Variants in CUX1 observed in about 807,000 individuals in gnomAD.
The protein encoded by CUX1 is cut like homeobox 1.
In CUX1, 31 loss-of-function variants were observed where a neutral mutation model predicts 158.8. That is an observed-to-expected ratio of 0.20 (90% confidence interval 0.15 to 0.26). The LOEUF (loss-of-function observed/expected upper bound fraction) is 0.26, where lower values mean the gene tolerates loss of function less well. Ranked by LOEUF, CUX1 falls within the 10% of genes least tolerant of loss-of-function variation. The pLI is 1.00. For synonymous variants in CUX1, 879 were observed against 862.1 expected (o/e 1.02, Z -0.34); for missense variants, 1,589 against 2,014.6 (o/e 0.79, Z 4.04).
intron 3 of CUX1, among the ~76,000 whole-genome samples, chr7:102,035,529 G>A (rs1012792226): frequency 6.6e-6 from 1 of 151,214 alleles, no homozygotes; most frequent in African/African-American, 2.4e-5. Flanking sequence ...TTTCAAGTGA[G>A]CCTCAATTAT....
chr7:102,013,151 A>C (rs1252801095), intron 2 of CUX1, among the ~76,000 whole-genome samples: 1 of 151,066 alleles, frequency 6.6e-6, no homozygotes, highest in Non-Finnish European at 1.5e-5. Context: ...GCACCATCCC[A>C]GGGTTATGAA....
chr7:101,937,958 T>C (rs916045420), intron 2 of CUX1, among the ~76,000 whole-genome samples: 4 of 152,200 alleles, frequency 2.6e-5, no homozygotes, highest in Non-Finnish European at 5.9e-5. Context: ...ACTCATCTGT[T>C]CTACCCACAC....
At chr7:101,997,853 A>G (rs1816160435) in intron 2 of CUX1, among the ~76,000 whole-genome samples, 1 of 151,878 alleles carries the variant, frequency 6.6e-6, no homozygotes, top group African/African-American at 2.4e-5. Flanking sequence ...GAGAGCTTTC[A>G]CTGTTGGATA....
intron 4 of CUX1, among the ~76,000 whole-genome samples, chr7:102,093,844 G>A (rs992106091): frequency 6.6e-6 from 1 of 152,130 alleles, no homozygotes; most frequent in Non-Finnish European, 1.5e-5. Flanking sequence ...GTGTTGAATC[G>A]GAGGAGGAGG....
At chr7:102,162,889 C>CT (rs1378596312) in intron 9 of CUX1, among the ~76,000 whole-genome samples, 1 of 152,116 alleles carries the variant, frequency 6.6e-6, no homozygotes, top group Non-Finnish European at 1.5e-5. Flanking sequence ...AGAGAGTGAG[C>CT]TCCCTGTCAC....
Position 102,050,684 on chromosome 7 carries a change from TTTATTA to T in CUX1, c.190-19631_190-19626del, listed in dbSNP as rs149429897. ...TCAGTATTAGACCCTGTGAATTCTT[TTTATTA>T]TTATTATTATTATTATTATTATTTA... On this transcript the variant is annotated intron_variant, in intron 3 of 23. Transcript: ENST00000292535. Among the ~76,000 whole-genome samples, 19 of 147,552 alleles carry T rather than the reference TTTATTA, an allele frequency of 1.3e-4. No individual in the cohort carries two copies. The East Asian group carries it at 1.6e-3, about 12-fold the overall frequency.
chr7:102,178,702 G>A (rs113538644), intron 11 of CUX1, 45 bp downstream of exon 11: 247 of 1,556,428 alleles, frequency 1.6e-4, no homozygotes, highest in Non-Finnish European at 2.0e-4. Context: ...GAGGCAGGGC[G>A]GATGGCTGGA....
intron 6 of CUX1, among the ~76,000 whole-genome samples, chr7:102,106,933 C>G (rs1435362553): frequency 6.6e-6 from 1 of 152,144 alleles, no homozygotes; most frequent in Non-Finnish European, 1.5e-5. Context: ...TGACTTCATT[C>G]AAAAAGAAAA....
At chr7:101,984,848 C>T (rs1162681174) in intron 2 of CUX1, among the ~76,000 whole-genome samples, 5 of 152,116 alleles carry the variant, frequency 3.3e-5, no homozygotes, top group Admixed American at 2.6e-4. Flanking sequence ...GTATTAAGAT[C>T]GCATTAATCT....
Position 101,899,300 on chromosome 7 carries a change from G to A in CUX1, c.31-16815G>A, listed in dbSNP as rs1273657786. 2.6e-5 allele frequency among the ~76,000 whole-genome samples: 4 copies of A among 152,322 alleles called. No individual in the cohort carries two copies. The East Asian group carries it at 7.7e-4, about 29-fold the overall frequency. ...GCAGTGGCTCACGCCTGTAATCCCA[G>A]CACTTTGGGAGGCCAAAGCAGGTGG... On this transcript the variant is annotated intron_variant, in intron 1 of 23. Coordinates refer to ENST00000292535, the MANE Select transcript of CUX1 (RefSeq NM_181552.4).
chr7:102,280,388 A>G (rs988211461), intron 19 of CUX1, among the ~76,000 whole-genome samples: 1 of 152,126 alleles, frequency 6.6e-6, no homozygotes, highest in Admixed American at 6.5e-5. Context: ...GCCGAGGACT[A>G]CCCGAGGGTG....
intron 2 of CUX1, among the ~76,000 whole-genome samples, chr7:101,966,030 G>A (rs1811163508): frequency 6.6e-6 from 1 of 152,004 alleles, no homozygotes; most frequent in Non-Finnish European, 1.5e-5. Context: ...TGATATTGAG[G>A]CGTTATTGCT....
chr7:102,212,975 G>T (rs781848050), intron 20 of CUX1, among the ~76,000 whole-genome samples: 1 of 152,200 alleles, frequency 6.6e-6, no homozygotes, highest in South Asian at 2.1e-4. Flanking sequence ...CCTCCAAGTA[G>T]CTGGGATCAC....
chr7:102,158,828 A>G (rs1790083618), intron 9 of CUX1, among the ~76,000 whole-genome samples: 1 of 152,224 alleles, frequency 6.6e-6, no homozygotes, highest in African/African-American at 2.4e-5. Flanking sequence ...TGGTTCCAAC[A>G]TCTCAGACAT....
rs1801158727 is a variant in CUX1 at position 102,248,938 on chromosome 7, C to T, written c.4414C>T (p.Arg1472Cys). ...CGAGGCCGCGGGCGCCCGGGACTCG[C>T]GCGACAACCCCCTGCGCAAGAAGAA... Reference protein sequence around the residue: ...LPEAAGARDSRDNPLRKKKAA... With the variant: ...LPEAAGARDSCDNPLRKKKAA... The change falls in exon 24 of 24, where the codon CGC (arginine) becomes TGC (cysteine). Residue 1472 changes from arginine to cysteine, a missense_variant. By Grantham distance (180) the Arg-to-Cys change is radical (BLOSUM62 -3). Transcript: ENST00000292535. This position sits in a 1 kb window ranked among gnomAD's most constrained non-coding sequence, Gnocchi z 5.8. The T allele has an allele frequency of 4.1e-6, 6 of 1,480,710 alleles. No individual in the cohort carries two copies. Among genetic ancestry groups the T allele is most frequent in the Non-Finnish European group, 5.4e-6 (6 of 1,110,784 alleles). 91.7% of individuals were successfully genotyped at this position (1,480,710 alleles called of 1,614,324 possible).
rs2132663860 is a variant in CUX1 at position 102,252,598 on chromosome 7, T to A, written c.*3556T>A. 1 of 985,418 alleles carries A rather than the reference T, an allele frequency of 1.0e-6. No individual in the cohort carries two copies. The highest frequency in any genetic ancestry group is 1.1e-4 in the East Asian group (1 of 8,810). 61.0% of individuals were successfully genotyped at this position (985,418 alleles called of 1,614,324 possible). A position where few individuals can be genotyped will look rare whatever the true frequency, so the allele number is the denominator to read the frequency against. On this transcript the variant is annotated 3_prime_UTR_variant, in exon 24 of 24. Transcript: ENST00000292535. ...AAGCAGAGGCTCGGGGTAAAATCAG[T>A]GTTTGCATTTAGCCTCTTGACCCGG...
rs180961684 is a variant in CUX1 at position 101,834,213 on chromosome 7, G to A, written c.30+16544G>A. On this transcript the variant is annotated intron_variant, in intron 1 of 23. Coordinates refer to ENST00000292535, the MANE Select transcript of CUX1 (RefSeq NM_181552.4). ...TTTTGAGATGGAGTCTCCCTCTGTT[G>A]CCCAGGCTGGAGTGCAGTGGCACTA... 3.5e-5 allele frequency among the ~76,000 whole-genome samples: 4 copies of A among 113,254 alleles called. 1 individual carries two copies. The South Asian group carries it at 1.1e-3, about 32-fold the overall frequency. 74.3% of individuals were successfully genotyped at this position (113,254 alleles called of 152,430 possible).
chr7:101,958,844 CTTTTTTTTTTTTTT>C (rs10667965), intron 2 of CUX1, among the ~76,000 whole-genome samples: 11 of 65,816 alleles, frequency 1.7e-4, no homozygotes, highest in Admixed American at 2.3e-4. Flanking sequence ...AGATGATGCC[CTTTTTTTTTTTTTT>C]TTTTTTTTTT....
At chr7:102,147,756 G>C (rs1835177333) in intron 8 of CUX1, among the ~76,000 whole-genome samples, 1 of 152,084 alleles carries the variant, frequency 6.6e-6, no homozygotes. Flanking sequence ...CAGCACTTTG[G>C]GAGGCCAAGG....
Sources: allele counts gnomAD v4.1 joint callset (sites outside exome capture counted in the v4.1 genomes callset), GRCh38; gene constraint gnomAD v4.1.1; non-coding constraint Gnocchi (gnomAD v3.1); transcripts MANE v1.5; gene names NCBI Gene and HGNC (gene_info 2026-07-23, HGNC 2026-07-21).